The following LRFN2 variants were observed in gnomAD, a reference collection of about 807,000 sequenced individuals.
LRFN2 encodes leucine-rich repeat and fibronectin type-III domain-containing protein 2.
A neutral mutation model predicts 37.3 loss-of-function variants in LRFN2; 18 were observed. The observed-to-expected ratio is 0.48, with a 90% CI of 0.33 to 0.72. The LOEUF (loss-of-function observed/expected upper bound fraction) is 0.72, where lower values mean the gene tolerates loss of function less well. LRFN2 is among the 30% of genes least tolerant of loss of function. The pLI is 0.02. For synonymous variants in LRFN2, 556 were observed against 466.6 expected, an observed-to-expected ratio of 1.19 and a Z score of -2.47; for missense variants, 1,006 against 1,060.7, an observed-to-expected ratio of 0.95 and a Z score of 0.72.
intron 1 of LRFN2, among the ~76,000 whole-genome samples, chr6:40,520,486 C>A (rs751874107): frequency 7.2e-5 from 11 of 152,082 alleles, no homozygotes; most frequent in Non-Finnish European, 1.5e-4. Flanking sequence ...AGGAGAAGCC[C>A]CCTCCCTTGC....
At chr6:40,416,913 G>A (rs900691789) in intron 2 of LRFN2, among the ~76,000 whole-genome samples, 6 of 152,164 alleles carry the variant, frequency 3.9e-5, no homozygotes, top group Admixed American at 2.6e-4. Flanking sequence ...TTTTAAACAG[G>A]GTTCTGTTCT....
chr6:40,392,938 G>A lies in LRFN2; in HGVS notation c.1401-26C>T, dbSNP rs1407509143. 1.3e-6 allele frequency: 2 copies of A among 1,580,160 alleles called. No individual in the cohort carries two copies. Among genetic ancestry groups the A allele is most frequent in the Admixed American group, 3.4e-5 (2 of 58,588 alleles). On this transcript the variant is annotated intron_variant, in intron 2 of 2. Transcript: ENST00000338305. This position sits in a 1 kb window ranked among gnomAD's most constrained non-coding sequence, Gnocchi z 4.7. ...CTGGGGAGGGAGGTGGACAGAAATA[G>A]TGAGGGGTGGTGGGGTGGAAGGACA...
At chr6:40,478,184 C>T (rs1003766416) in intron 1 of LRFN2, among the ~76,000 whole-genome samples, 3 of 152,206 alleles carry the variant, frequency 2.0e-5, no homozygotes, top group Non-Finnish European at 4.4e-5. Flanking sequence ...CCTGTACATG[C>T]TTTCTCTTCC....
chr6:40,483,146 TG>T (rs1323448833), intron 1 of LRFN2, among the ~76,000 whole-genome samples: 4 of 152,252 alleles, frequency 2.6e-5, no homozygotes, highest in Admixed American at 2.6e-4. Flanking sequence ...ATCCACAAAA[TG>T]GGTGCCTAAC....
chr6:40,445,005 C>T (rs1763935658), intron 1 of LRFN2, among the ~76,000 whole-genome samples: 1 of 152,040 alleles, frequency 6.6e-6, no homozygotes, highest in South Asian at 2.1e-4. Flanking sequence ...ACCCCCTCCA[C>T]CTCACCCCCC....
chr6:40,436,967 C>A (rs1157877564), intron 1 of LRFN2, among the ~76,000 whole-genome samples: 1 of 152,078 alleles, frequency 6.6e-6, no homozygotes, highest in Non-Finnish European at 1.5e-5. Context: ...CCAAGGATGT[C>A]CCTTGCTAAT....
intron 1 of LRFN2, among the ~76,000 whole-genome samples, chr6:40,490,711 C>G (rs528287714): frequency 7.2e-5 from 11 of 152,306 alleles, no homozygotes; most frequent in African/African-American, 2.6e-4. Flanking sequence ...ACCCATTAGC[C>G]CTGTCAGGAC....
chr6:40,557,425 T>C (rs1440837772), intron 1 of LRFN2, among the ~76,000 whole-genome samples: 1 of 152,152 alleles, frequency 6.6e-6, no homozygotes, highest in East Asian at 1.9e-4. Context: ...CTGCTGGCCT[T>C]TATCCTAGAG....
chr6:40,517,063 G>T (rs567050155), intron 1 of LRFN2, among the ~76,000 whole-genome samples: 9 of 152,238 alleles, frequency 5.9e-5, no homozygotes, highest in Admixed American at 3.9e-4. Context: ...GCACTTGCTG[G>T]AAAGAACAGC....
chr6:40,515,271 C>G (rs1247586516), intron 1 of LRFN2, among the ~76,000 whole-genome samples: 3 of 152,132 alleles, frequency 2.0e-5, no homozygotes, highest in Admixed American at 6.5e-5. Context: ...GCCAGCGTCT[C>G]CATCCTCAAC....
At chr6:40,486,451 A>T (rs1349020077) in intron 1 of LRFN2, among the ~76,000 whole-genome samples, 1 of 152,118 alleles carries the variant, frequency 6.6e-6, no homozygotes, top group East Asian at 1.9e-4. Flanking sequence ...GGAATTCGGC[A>T]GTTAGTGGGG....
At chr6:40,441,299 G>A (rs542546865) in intron 1 of LRFN2, among the ~76,000 whole-genome samples, 34 of 152,294 alleles carry the variant, frequency 2.2e-4, no homozygotes, top group African/African-American at 6.0e-4. Context: ...GGGTGTGAAC[G>A]CGGAGGCTAG....
intron 2 of LRFN2, among the ~76,000 whole-genome samples, chr6:40,401,286 G>A (rs1232841126): frequency 6.6e-6 from 1 of 152,024 alleles, no homozygotes; most frequent in Non-Finnish European, 1.5e-5. Context: ...GTGCCCATGT[G>A]ACCCTTTCTG....
chr6:40,566,855 G>A (rs1327904365), intron 1 of LRFN2, among the ~76,000 whole-genome samples: 5 of 152,044 alleles, frequency 3.3e-5, no homozygotes, highest in African/African-American at 1.2e-4. Flanking sequence ...TGCACATTGT[G>A]CACATGTACC....
At chr6:40,544,879 T>C (rs1184548395) in intron 1 of LRFN2, among the ~76,000 whole-genome samples, 2 of 152,222 alleles carry the variant, frequency 1.3e-5, no homozygotes, top group Admixed American at 6.5e-5. Context: ...TGCATCTTTA[T>C]AATGAGAAGG....
At chr6:40,453,681 G>T (rs9367059) in intron 1 of LRFN2, among the ~76,000 whole-genome samples, 1 of 151,958 alleles carries the variant, frequency 6.6e-6, no homozygotes, top group Non-Finnish European at 1.5e-5. Flanking sequence ...AGAGGGAAGC[G>T]TGATCAGGAC....
chr6:40,467,725 T>C (rs1052775847), intron 1 of LRFN2, among the ~76,000 whole-genome samples: 2 of 152,200 alleles, frequency 1.3e-5, no homozygotes, highest in East Asian at 1.9e-4. Flanking sequence ...GTTCTGAGTC[T>C]GGCCTCATTA....
intron 1 of LRFN2, among the ~76,000 whole-genome samples, chr6:40,579,694 C>G (rs1767359477): frequency 6.6e-6 from 1 of 151,972 alleles, no homozygotes; most frequent in Admixed American, 6.6e-5. Flanking sequence ...ACCGCCACCC[C>G]CAACATAATC....
rs1762743207 is a variant in LRFN2 at position 40,401,630 on chromosome 6, G to A, written c.1401-8718C>T. 2.6e-5 allele frequency among the ~76,000 whole-genome samples: 4 copies of A among 152,316 alleles called. No homozygotes were observed. In the South Asian group the frequency reaches 8.3e-4, roughly 32 times the overall value. On this transcript the variant is annotated intron_variant, in intron 2 of 2. Transcript: ENST00000338305. ...CCCACAGGTTAGATGAAGTGAGCCT[G>A]AAGTATTTGCTATTTAGTAGGTATG...
Sources: allele counts gnomAD v4.1 joint callset (sites outside exome capture counted in the v4.1 genomes callset), GRCh38; gene constraint gnomAD v4.1.1; non-coding constraint Gnocchi (gnomAD v3.1); transcripts MANE v1.5; gene names NCBI Gene and HGNC (gene_info 2026-07-23, HGNC 2026-07-21).